Variants in JAKMIP3 observed in about 807,000 individuals in gnomAD.
JAKMIP3 encodes the protein janus kinase and microtubule-interacting protein 3.
Under a neutral mutation model 118.5 loss-of-function variants are expected in JAKMIP3, and 58 were observed. The ratio of observed to expected loss-of-function variants is 0.49; its 90% CI spans 0.40 to 0.61. JAKMIP3 has a LOEUF of 0.61. Among genes scored for constraint, JAKMIP3 ranks in the 20% least tolerant of loss-of-function variants. The pLI is 0.00. For synonymous variants in JAKMIP3, 486 were observed against 451.2 expected (o/e 1.08, Z -0.98); for missense variants, 950 against 1,109.0 (o/e 0.86, Z 2.04).
chr10:132,124,709 C>T (rs1258573582), intron 3 of JAKMIP3, among the ~76,000 whole-genome samples: 1 of 152,254 alleles, frequency 6.6e-6, no homozygotes, highest in Non-Finnish European at 1.5e-5. Flanking sequence ...ATACGAGCAC[C>T]TATCACATCC....
At chr10:132,113,181 T>A (rs2047130659) in intron 2 of JAKMIP3, among the ~76,000 whole-genome samples, 1 of 152,210 alleles carries the variant, frequency 6.6e-6, no homozygotes, top group African/African-American at 2.4e-5. Flanking sequence ...AGGTAGATGA[T>A]CTGTGAATGG....
chr10:132,151,037 A>G (rs950548191), intron 16 of JAKMIP3, among the ~76,000 whole-genome samples: 1 of 150,872 alleles, frequency 6.6e-6, no homozygotes, highest in Non-Finnish European at 1.5e-5. Flanking sequence ...TTCCTTCTCC[A>G]TCTACCATCC....
At chr10:132,064,627 A>G (rs528457460), upstream of JAKMIP3, among the ~76,000 whole-genome samples, 1 of 152,316 alleles carries the variant, frequency 6.6e-6, no homozygotes, top group East Asian at 1.9e-4. The surrounding 1 kb of genome is among the most constrained non-coding windows in gnomAD (Gnocchi z 4.4). Context: ...GTTGGTAACC[A>G]GGGACAGCGG....
At chr10:132,046,405 G>A (rs1205293079) in intron 1 of JAKMIP3, among the ~76,000 whole-genome samples, 2 of 151,892 alleles carry the variant, frequency 1.3e-5, no homozygotes, top group African/African-American at 4.8e-5. Context: ...GCAGTGAGCC[G>A]AGATCGCGCC....
At position 132,180,626 on chromosome 10, in the gene JAKMIP3, CGTGTGT is replaced by C. The variant is rs1195454959; in HGVS notation, c.*1104-1729_*1104-1724del. On this transcript the variant is annotated intron_variant, in intron 23 of 23. Transcript: ENST00000684848. The stretch of plus-strand genomic sequence containing the variant: ...GCGCGTGTGTGTGTGCGTGTGTGTG[CGTGTGT>C]GCGTGCGTGTGTGCGTGTGCGTGTG... 9.0e-4 allele frequency among the ~76,000 whole-genome samples: 21 copies of C among 23,356 alleles called. 3 individuals are homozygous for C. The highest frequency in any genetic ancestry group is 2.1e-3 in the South Asian group (1 of 484). 15.3% of individuals were successfully genotyped at this position (23,356 alleles called of 152,430 possible).
rs1019760025 is a variant in JAKMIP3 at position 132,182,576 on chromosome 10, T to C, written c.*1323T>C. 1.3e-5 allele frequency: 2 copies of C among 152,244 alleles called. No individual in the cohort carries two copies. Among genetic ancestry groups the C allele is most frequent in the Non-Finnish European group, 2.9e-5 (2 of 68,046 alleles). 9.4% of individuals were successfully genotyped at this position (152,244 alleles called of 1,614,324 possible). A position where few individuals can be genotyped will look rare whatever the true frequency, so the allele number is the denominator to read the frequency against. On this transcript the variant is annotated 3_prime_UTR_variant, in exon 24 of 24. Coordinates refer to ENST00000684848, the MANE Select transcript of JAKMIP3 (RefSeq NM_001323087.2). ...GTGTGCTCACTTGTGTGCACAAGCA[T>C]GCGTTTATGCATGTTTTCACGCAAC... is the stretch of plus-strand genomic sequence containing the variant.
At chr10:132,180,474 T>G (rs12357377) in intron 23 of JAKMIP3, among the ~76,000 whole-genome samples, 2 of 112,584 alleles carry the variant, frequency 1.8e-5, no homozygotes, top group African/African-American at 3.3e-5. Flanking sequence ...ACGGAACAGA[T>G]GGGGTAGGGC....
intron 3 of JAKMIP3, among the ~76,000 whole-genome samples, chr10:132,130,428 T>G (rs972622798): frequency 1.3e-5 from 2 of 152,222 alleles, no homozygotes; most frequent in African/African-American, 2.4e-5. Flanking sequence ...CGCATTCGTG[T>G]GCTCACGTCA....
chr10:132,173,022 T>C lies in JAKMIP3; in HGVS notation c.*1103+3989T>C, dbSNP rs56232387. 0.019 allele frequency among the ~76,000 whole-genome samples: 169 copies of C among 8,898 alleles called. 29 individuals are homozygous for C. In the East Asian group the frequency reaches 0.33, roughly 18 times the overall value. 5.8% of individuals were successfully genotyped at this position (8,898 alleles called of 152,430 possible). On this transcript the variant is annotated intron_variant, in intron 23 of 23. Transcript: ENST00000684848. ...TTCCCTCTCTCTCTCTCTCCCTCTC[T>C]CTCTCCTTCCCTCTCTCTCTCCCTC...
At chr10:132,036,582 C>G (rs1322507531), upstream of JAKMIP3, among the ~76,000 whole-genome samples, 1 of 151,562 alleles carries the variant, frequency 6.6e-6, no homozygotes, top group Non-Finnish European at 1.5e-5. Flanking sequence ...GAGCAAGGAG[C>G]GCGGCCGCGG....
Position 132,149,989 on chromosome 10 carries a change from T to G in JAKMIP3, c.1955T>G (p.Val652Gly). Residue 652 changes from valine (V) to glycine (G), a missense_variant, in exon 16 of 24, where the codon GTG becomes GGG. By Grantham distance (109) the Val-to-Gly change is moderately radical (BLOSUM62 -3). Coordinates refer to ENST00000684848, the MANE Select transcript of JAKMIP3 (RefSeq NM_001323087.2). ...YCEAEGVTDI[V>G]VAELMKKLDI... ...CTGTCCTCTGTGCCTTAGGACATTG[T>G]GGTTGCGGAGCTGATGAAGAAGCTG... The G allele has an allele frequency of 6.3e-7, 1 of 1,575,398 alleles. No individual in the cohort carries two copies. The highest frequency in any genetic ancestry group is 8.6e-7 in the Non-Finnish European group (1 of 1,166,952).
In JAKMIP3 at chr10:132,180,748, CGCGCGTGTGTGCGT is replaced by C. The variant is rs1388915603; in HGVS notation, c.*1104-1607_*1104-1594del. Among the ~76,000 whole-genome samples, 16 of 8,322 alleles carry C rather than the reference CGCGCGTGTGTGCGT, an allele frequency of 1.9e-3. 5 individuals carry two copies. In the East Asian group the frequency reaches 0.071, roughly 37 times the overall value. The allele number at this position is 8,322 out of a possible 152,430, so 5.5% of individuals were successfully genotyped here. A position where few individuals can be genotyped will look rare whatever the true frequency, so the allele number is the denominator to read the frequency against. On this transcript the variant is annotated intron_variant, in intron 23 of 23. Transcript: ENST00000684848. ...GTGTGTGCGTGTGTGCGTGCGTGCG[CGCGCGTGTGTGCGT>C]GTGTGTGCGTGTGTGTGTGTGCGCG...
In JAKMIP3 at chr10:132,044,633, G is replaced by A. The variant is rs1448557231; in HGVS notation, c.-138+7895G>A. On this transcript the variant is annotated intron_variant, in intron 1 of 23. Coordinates refer to the JAKMIP3 transcript ENST00000657785. The surrounding 1 kb of genome is among the most constrained non-coding windows in gnomAD (Gnocchi z 5.3). Reference sequence around the variant, plus strand: ...GGGCTCTTCCTCAGGGCAGCAGGACGCCACCACATGCTGCGCTCAGGATGG... The same window carrying A: ...GGGCTCTTCCTCAGGGCAGCAGGACACCACCACATGCTGCGCTCAGGATGG... Among the ~76,000 whole-genome samples, 1 of 152,126 alleles carries A rather than the reference G, an allele frequency of 6.6e-6. No homozygotes were observed. The highest frequency in any genetic ancestry group is 1.5e-5 in the Non-Finnish European group (1 of 68,036).
intron 1 of JAKMIP3, among the ~76,000 whole-genome samples, chr10:132,058,843 C>G (rs188843935): frequency 2.2e-4 from 34 of 152,360 alleles, no homozygotes; most frequent in African/African-American, 7.9e-4. Context: ...GTAATCCCAT[C>G]ATAAGGTCGA....
intron 3 of JAKMIP3, among the ~76,000 whole-genome samples, chr10:132,129,333 C>G (rs555849995): frequency 7.2e-5 from 11 of 152,300 alleles, no homozygotes; most frequent in African/African-American, 2.6e-4. Flanking sequence ...TGTGCAGCCA[C>G]TTACATTTCT....
intron 1 of JAKMIP3, among the ~76,000 whole-genome samples, chr10:132,093,010 C>T (rs1175720403): frequency 1.3e-5 from 2 of 152,226 alleles, no homozygotes; most frequent in Admixed American, 1.3e-4. Flanking sequence ...AGCTGCAGGT[C>T]TGTTGGAGTT....
intron 23 of JAKMIP3, among the ~76,000 whole-genome samples, chr10:132,180,694 T>TGCGC (rs1378439685): frequency 5.9e-5 from 1 of 16,906 alleles, no homozygotes; most frequent in African/African-American, 2.4e-4. Context: ...TGTGTGTGCG[T>TGCGC]GCGTGTGTGT....
At position 132,074,292 on chromosome 10, in the gene JAKMIP3, TC is replaced by T. The variant is rs2040436363; in HGVS notation, c.-138+8233del. ...GTCTCGAACTCCTGGCCTCAAGTGA[TC>T]CACCCACCTTGGCCTCCCAAAGTGC... On this transcript the variant is annotated intron_variant, in intron 1 of 23. Transcript: ENST00000684848. Among the ~76,000 whole-genome samples the T allele has an allele frequency of 3.3e-5, 5 of 152,350 alleles. No homozygotes were observed. The South Asian group carries it at 1.0e-3, about 32-fold the overall frequency.
At chr10:132,121,962 A>G (rs2048608177) in intron 3 of JAKMIP3, among the ~76,000 whole-genome samples, 1 of 152,140 alleles carries the variant, frequency 6.6e-6, no homozygotes, top group South Asian at 2.1e-4. Flanking sequence ...TCTTCCCAAA[A>G]TGGACCCCGT....
Sources: gnomAD v4.1 joint callset for allele counts (sites outside exome capture counted in the v4.1 genomes callset) on GRCh38, gnomAD v4.1.1 for gene constraint, Gnocchi (gnomAD v3.1) non-coding constraint, MANE v1.5 for transcripts, NCBI Gene and HGNC (gene_info 2026-07-23, HGNC 2026-07-21) for gene names.